Variants in DENND1A observed in about 807,000 individuals in gnomAD.
The protein encoded by DENND1A is DENN domain containing 1A.
In DENND1A, 51 loss-of-function variants were observed where a neutral mutation model predicts 113.7. The ratio of observed to expected loss-of-function variants is 0.45; its 90% CI spans 0.36 to 0.57. The LOEUF is 0.57. DENND1A is among the 20% of genes least tolerant of loss of function. DENND1A has a pLI of 0.00. For synonymous variants in DENND1A, 565 were observed against 570.8 expected (o/e 0.99, Z 0.14); for missense variants, 1,258 against 1,395.9 (o/e 0.90, Z 1.57).
At chr9:123,444,922 G>C (rs552790787) in intron 18 of DENND1A, among the ~76,000 whole-genome samples, 1 of 152,322 alleles carries the variant, frequency 6.6e-6, no homozygotes, top group Admixed American at 6.5e-5. Flanking sequence ...GCCAGACAGA[G>C]CTACATATCA....
At chr9:123,851,026 T>C (rs777905489) in intron 2 of DENND1A, among the ~76,000 whole-genome samples, 4 of 152,114 alleles carry the variant, frequency 2.6e-5, no homozygotes, top group Non-Finnish European at 4.4e-5. Context: ...AAGAGACACG[T>C]CTTCAACACA....
intron 13 of DENND1A, among the ~76,000 whole-genome samples, chr9:123,534,964 T>G (rs2055621349): frequency 6.6e-6 from 1 of 152,142 alleles, no homozygotes; most frequent in African/African-American, 2.4e-5. Flanking sequence ...GGCCTTCTCT[T>G]AAGATTCAAA....
intron 13 of DENND1A, among the ~76,000 whole-genome samples, chr9:123,548,637 T>A (rs2056857079): frequency 6.6e-6 from 1 of 152,162 alleles, no homozygotes; most frequent in African/African-American, 2.4e-5. Flanking sequence ...GCACTACTCA[T>A]AACAGCCAAA....
chr9:123,642,506 AGGTT>A (rs1450431179), intron 9 of DENND1A, among the ~76,000 whole-genome samples: 17 of 152,228 alleles, frequency 1.1e-4, no homozygotes, highest in African/African-American at 4.1e-4. Flanking sequence ...TACTCTTCTC[AGGTT>A]GTTAGTGTGA....
At chr9:123,668,192 G>A (rs1346438406) in intron 7 of DENND1A, among the ~76,000 whole-genome samples, 3 of 152,140 alleles carry the variant, frequency 2.0e-5, no homozygotes, top group South Asian at 2.1e-4. Flanking sequence ...GAAGGTCAGC[G>A]TAGCCATGGC....
intron 13 of DENND1A, among the ~76,000 whole-genome samples, chr9:123,493,810 A>AAT (rs2051607744): frequency 6.6e-6 from 1 of 152,178 alleles, no homozygotes; most frequent in South Asian, 2.1e-4. Context: ...GAAGGCATGC[A>AAT]CGCTGAAGCA....
intron 2 of DENND1A, among the ~76,000 whole-genome samples, chr9:123,859,436 G>A (rs1393612743): frequency 3.3e-5 from 5 of 150,732 alleles, no homozygotes; most frequent in Non-Finnish European, 7.4e-5. Flanking sequence ...AGACAATGCA[G>A]GTATAGACCT....
At chr9:123,642,916 G>A (rs1481929025) in intron 9 of DENND1A, among the ~76,000 whole-genome samples, 1 of 152,198 alleles carries the variant, frequency 6.6e-6, no homozygotes, top group East Asian at 1.9e-4. Flanking sequence ...ATGACAAGGT[G>A]GCGTTCGTCA....
chr9:123,554,422 G>A (rs2057307898), intron 13 of DENND1A, among the ~76,000 whole-genome samples: 1 of 152,134 alleles, frequency 6.6e-6, no homozygotes, highest in South Asian at 2.1e-4. Flanking sequence ...TCTCTATGTT[G>A]CCCAGGCTGG....
chr9:123,470,456 A>G (rs1342189772), intron 13 of DENND1A, among the ~76,000 whole-genome samples: 2 of 152,078 alleles, frequency 1.3e-5, no homozygotes, highest in African/African-American at 4.8e-5. Flanking sequence ...GGAAGCGCCA[A>G]GCTGATTAGA....
chr9:123,427,702 C>T (rs1003746302), intron 19 of DENND1A, among the ~76,000 whole-genome samples: 6 of 152,204 alleles, frequency 3.9e-5, no homozygotes, highest in Non-Finnish European at 1.5e-5. Context: ...GATCTTCTCT[C>T]CCTTCTTTTG....
At chr9:123,658,625 G>A (rs2063083172) in intron 8 of DENND1A, among the ~76,000 whole-genome samples, 1 of 152,228 alleles carries the variant, frequency 6.6e-6, no homozygotes, top group Non-Finnish European at 1.5e-5. Flanking sequence ...TTTCATTAAT[G>A]TCTTGCAGAC....
intron 5 of DENND1A, among the ~76,000 whole-genome samples, chr9:123,688,090 A>T (rs1395692382): frequency 6.6e-6 from 1 of 152,236 alleles, no homozygotes; most frequent in East Asian, 1.9e-4. Flanking sequence ...TGCCAGGAGC[A>T]TTACATGCCT....
chr9:123,459,944 A>AT (rs2048403088), intron 13 of DENND1A, among the ~76,000 whole-genome samples: 1 of 152,212 alleles, frequency 6.6e-6, no homozygotes, highest in African/African-American at 2.4e-5. Context: ...ACCCTACCTA[A>AT]TTTTACAAAG....
chr9:123,584,773 A>C (rs2059081918), intron 11 of DENND1A, among the ~76,000 whole-genome samples: 1 of 151,684 alleles, frequency 6.6e-6, no homozygotes, highest in Non-Finnish European at 1.5e-5. Context: ...TGCACCATCC[A>C]CCTCCTCATC....
chr9:123,438,209 C>T (rs2046664988), intron 19 of DENND1A, among the ~76,000 whole-genome samples: 1 of 152,080 alleles, frequency 6.6e-6, no homozygotes, highest in Non-Finnish European at 1.5e-5. Context: ...AAACCAGGGA[C>T]CCGGGAAAAG....
chr9:123,473,468 G>A (rs1306490175), intron 13 of DENND1A, among the ~76,000 whole-genome samples: 1 of 152,190 alleles, frequency 6.6e-6, no homozygotes, highest in Admixed American at 6.5e-5. Context: ...CCGAGACTCA[G>A]GGGCAGCAAT....
intron 13 of DENND1A, among the ~76,000 whole-genome samples, chr9:123,510,338 T>C (rs780125036): frequency 4.6e-5 from 7 of 152,332 alleles, no homozygotes; most frequent in Non-Finnish European, 7.3e-5. Flanking sequence ...TATGAACTCA[T>C]CTGATAAAGG....
At chr9:123,882,046 T>G (rs1279759311) in intron 1 of DENND1A, among the ~76,000 whole-genome samples, 1 of 152,132 alleles carries the variant, frequency 6.6e-6, no homozygotes, top group Non-Finnish European at 1.5e-5. Flanking sequence ...GAATTCCTTC[T>G]CAGGTTAGCT....
Sources: gnomAD v4.1 joint callset for allele counts (sites outside exome capture counted in the v4.1 genomes callset) on GRCh38, gnomAD v4.1.1 for gene constraint, MANE v1.5 for transcripts, NCBI Gene and HGNC (gene_info 2026-07-23, HGNC 2026-07-21) for gene names.